ST3GAL3: variants seen among roughly 807,000 people sequenced by gnomAD.
ST3GAL3 encodes the protein ST3 beta-galactoside alpha-2,3-sialyltransferase 3.
ST3GAL3 carries 21 observed loss-of-function variants against 50.1 expected under a neutral mutation model. The observed-to-expected ratio is 0.42, with a 90% CI of 0.30 to 0.60. The LOEUF is 0.60. Among genes scored for constraint, ST3GAL3 ranks in the 20% least tolerant of loss-of-function variants. The probability of loss-of-function intolerance (pLI) is 0.19; values close to 1 mark genes in which losing one functional copy is unlikely to be tolerated. For synonymous variants in ST3GAL3, 183 were observed against 190.0 expected, an observed-to-expected ratio of 0.96 and a Z score of 0.30; for missense variants, 353 against 489.4, an observed-to-expected ratio of 0.72 and a Z score of 2.63.
chr1:43,717,982 C>T (rs1218940656), intron 1 of ST3GAL3, among the ~76,000 whole-genome samples: 2 of 151,906 alleles, frequency 1.3e-5, no homozygotes, highest in Admixed American at 1.3e-4. Flanking sequence ...AAGCGATTCT[C>T]CTGCCTCAGC....
chr1:43,872,181 G>A (rs1570340335), intron 5 of ST3GAL3, among the ~76,000 whole-genome samples: 1 of 106,206 alleles, frequency 9.4e-6, no homozygotes, highest in African/African-American at 3.7e-5. Flanking sequence ...AGAGGCTGGG[G>A]TGTGAGGGAC....
At chr1:43,885,190 CT>C (rs931454279) in intron 5 of ST3GAL3, among the ~76,000 whole-genome samples, 1 of 152,182 alleles carries the variant, frequency 6.6e-6, no homozygotes, top group African/African-American at 2.4e-5. Context: ...CTCTTTCAGT[CT>C]ACAGGTCTGC....
chr1:43,879,916 G>A (rs1368573832), intron 5 of ST3GAL3, among the ~76,000 whole-genome samples: 1 of 152,190 alleles, frequency 6.6e-6, no homozygotes, highest in Non-Finnish European at 1.5e-5. Flanking sequence ...GACTTTTCCT[G>A]CTCCTACTTC....
At chr1:43,863,152 T>C (rs1235026385) in intron 5 of ST3GAL3, among the ~76,000 whole-genome samples, 2 of 152,138 alleles carry the variant, frequency 1.3e-5, no homozygotes, top group Non-Finnish European at 2.9e-5. Context: ...CTGGGGGAAG[T>C]AAATTGAAGT....
chr1:43,774,159 A>G lies in ST3GAL3; in HGVS notation c.119-17943A>G, dbSNP rs79676910. ...GGAAAAAGACATACTTGGGGGGGCA[A>G]TTGGGTACATTTTAATATAGACTAT... On this transcript the variant is annotated intron_variant, in intron 2 of 11. Transcript: ENST00000347631. Among the ~76,000 whole-genome samples, 806 of 152,294 alleles carry G rather than the reference A, an allele frequency of 5.3e-3. 16 individuals carry two copies. Among genetic ancestry groups the G allele is most frequent in the African/African-American group, 0.018 (748 of 41,550 alleles).
intron 5 of ST3GAL3, among the ~76,000 whole-genome samples, chr1:43,861,175 T>C (rs2069833354): frequency 6.6e-6 from 1 of 152,350 alleles, no homozygotes; most frequent in Admixed American, 6.5e-5. Flanking sequence ...ATCCCAACTT[T>C]GCTACTTTGC....
intron 5 of ST3GAL3, among the ~76,000 whole-genome samples, chr1:43,878,827 T>A (rs1449830381): frequency 3.9e-5 from 6 of 152,218 alleles, no homozygotes; most frequent in African/African-American, 1.4e-4. Context: ...AAGGCAGATC[T>A]CTGATCTCAC....
intron 9 of ST3GAL3, among the ~76,000 whole-genome samples, chr1:43,918,628 A>C (rs2082492261): frequency 6.6e-6 from 1 of 152,120 alleles, no homozygotes; most frequent in African/African-American, 2.4e-5. Flanking sequence ...TAATAAGTGC[A>C]AACCCATAAT....
At chr1:43,820,361 C>G (rs2061938878) in intron 4 of ST3GAL3, among the ~76,000 whole-genome samples, 3 of 152,124 alleles carry the variant, frequency 2.0e-5, no homozygotes, top group African/African-American at 7.2e-5. Context: ...TAACAGAAAA[C>G]CTAGGACATA....
intron 4 of ST3GAL3, among the ~76,000 whole-genome samples, chr1:43,826,607 C>A (rs1427588242): frequency 6.6e-6 from 1 of 152,162 alleles, no homozygotes; most frequent in Non-Finnish European, 1.5e-5. Flanking sequence ...TTACTCTAGA[C>A]ATTACCCTAT....
intron 4 of ST3GAL3, among the ~76,000 whole-genome samples, chr1:43,815,607 G>A (rs1182336167): frequency 6.6e-6 from 1 of 152,098 alleles, no homozygotes; most frequent in Non-Finnish European, 1.5e-5. Context: ...TAGATAGCTT[G>A]GTTCAAATCC....
chr1:43,817,731 CCCCCTCCTCCT>C (rs2061542206), intron 4 of ST3GAL3, among the ~76,000 whole-genome samples: 1 of 92,712 alleles, frequency 1.1e-5, no homozygotes, highest in African/African-American at 3.8e-5. Context: ...TTCTCCTCCT[CCCCCTCCTCCT>C]CCTTCTTCCT....
chr1:43,715,174 A>T (rs990281089), intron 1 of ST3GAL3, among the ~76,000 whole-genome samples: 1 of 152,160 alleles, frequency 6.6e-6, no homozygotes, highest in Non-Finnish European at 1.5e-5. Flanking sequence ...GGATTCCCTT[A>T]AAGTTTAAAA....
At position 43,930,153 on chromosome 1, in the gene ST3GAL3, C is replaced by T. The variant is rs758301958; in HGVS notation, c.1060C>T (p.Arg354Ter). Reference protein sequence around the residue: ...IKESWTHNIQREKEFLRKLVK... With the variant: ...IKESWTHNIQ ...TCAGTCCTGGACGCACAATATCCAG[C>T]GAGAGAAAGAGTTTCTGCGGAAGCT... Residue 354 changes from arginine to a stop codon, truncating the protein, a stop_gained, in exon 12 of 12, where the codon CGA becomes TGA. Transcript: ENST00000347631. LOFTEE classifies it high-confidence loss of function. 6.2e-6 allele frequency: 10 copies of T among 1,614,174 alleles called. No homozygotes were observed. Among genetic ancestry groups the T allele is most frequent in the Admixed American group, 3.3e-5 (2 of 60,028 alleles).
rs935127497 is a variant in ST3GAL3 at position 43,735,483 on chromosome 1, C to T, written c.-30-750C>T. 5.3e-5 allele frequency among the ~76,000 whole-genome samples: 8 copies of T among 152,296 alleles called. No homozygotes were observed. In the South Asian group the frequency reaches 1.5e-3, roughly 28 times the overall value. ...GGAAAGCATGAAAAGGACTGTAGGC[C>T]TGAAGGCTGGCCCCTGGCAGATAAC... is the stretch of plus-strand genomic sequence containing the variant. On this transcript the variant is annotated intron_variant, in intron 1 of 11. Transcript: ENST00000347631.
chr1:43,920,231 TCACA>T (rs1225761240), intron 9 of ST3GAL3, 169 bp from the exon 10 acceptor site: 2 of 718,502 alleles, frequency 2.8e-6, no homozygotes, highest in African/African-American at 3.4e-5. Context: ...CTTGTCCCTG[TCACA>T]CACTCCATTT....
At chr1:43,784,181 T>G (rs1296218976) in intron 2 of ST3GAL3, among the ~76,000 whole-genome samples, 1 of 152,136 alleles carries the variant, frequency 6.6e-6, no homozygotes, top group Non-Finnish European at 1.5e-5. Context: ...CCTCCATATC[T>G]TCCCAGTTTC....
In ST3GAL3 at chr1:43,866,011, A is replaced by C. The variant is rs530236407; in HGVS notation, c.302+27700A>C. 6.6e-5 allele frequency among the ~76,000 whole-genome samples: 10 copies of C among 152,342 alleles called. No individual in the cohort carries two copies. In the East Asian group the frequency reaches 1.7e-3, roughly 26 times the overall value. Reference sequence around the variant, plus strand: ...TGGCCCCTCAAGGCCACAGGCAACCAGAGCCAAGCAGCCGGGCCTTTTCCA... The same window carrying C: ...TGGCCCCTCAAGGCCACAGGCAACCCGAGCCAAGCAGCCGGGCCTTTTCCA... On this transcript the variant is annotated intron_variant, in intron 5 of 11. Coordinates refer to ENST00000347631, the MANE Select transcript of ST3GAL3 (RefSeq NM_006279.5).
intron 5 of ST3GAL3, among the ~76,000 whole-genome samples, chr1:43,854,288 C>G (rs1488903505): frequency 6.6e-6 from 1 of 152,198 alleles, no homozygotes; most frequent in Non-Finnish European, 1.5e-5. Flanking sequence ...TCGCTTCTCT[C>G]CTCCTCAGAA....
Sources: allele counts gnomAD v4.1 joint callset (sites outside exome capture counted in the v4.1 genomes callset), GRCh38; gene constraint gnomAD v4.1.1; transcripts MANE v1.5; gene names NCBI Gene and HGNC (gene_info 2026-07-23, HGNC 2026-07-21).